The following BCAS3 variants were observed in gnomAD, a reference collection of about 807,000 sequenced individuals.
BCAS3 encodes the protein BCAS4/BCAS3 fusion.
A neutral mutation model predicts 116.1 loss-of-function variants in BCAS3; 53 were observed. That is an observed-to-expected ratio of 0.46 (90% CI 0.37 to 0.57). The LOEUF (loss-of-function observed/expected upper bound fraction) is 0.57. Among genes scored for constraint, BCAS3 ranks in the 20% least tolerant of loss-of-function variants. BCAS3 has a pLI of 0.00. For synonymous variants in BCAS3, 391 were observed against 408.2 expected, an observed-to-expected ratio of 0.96 and a Z score of 0.51; for missense variants, 917 against 1,165.4, an observed-to-expected ratio of 0.79 and a Z score of 3.10.
intron 7 of BCAS3, among the ~76,000 whole-genome samples, chr17:60,809,494 GGGTT>G (rs755311925): frequency 1.1e-4 from 16 of 152,228 alleles, no homozygotes; most frequent in Non-Finnish European, 1.6e-4. Context: ...CCCTCTTCCA[GGGTT>G]GGTTGGTTGG....
intron 22 of BCAS3, among the ~76,000 whole-genome samples, chr17:61,273,610 C>G (rs1479487806): frequency 6.6e-6 from 1 of 151,686 alleles, no homozygotes; most frequent in Admixed American, 6.6e-5. Context: ...TCATTTTTAT[C>G]AAATTTGAAA....
At chr17:60,842,695 C>T (rs1360801486) in intron 7 of BCAS3, among the ~76,000 whole-genome samples, 1 of 152,040 alleles carries the variant, frequency 6.6e-6, no homozygotes, top group African/African-American at 2.4e-5. Context: ...AGTGTGCTAT[C>T]TTTTCTTTCT....
At chr17:61,360,348 T>C (rs1249688656) in intron 22 of BCAS3, among the ~76,000 whole-genome samples, 1 of 152,246 alleles carries the variant, frequency 6.6e-6, no homozygotes, top group Non-Finnish European at 1.5e-5. Context: ...TCTGGTCTGA[T>C]GCTCACAACA....
chr17:61,238,689 C>A (rs2083257698), intron 22 of BCAS3, among the ~76,000 whole-genome samples: 1 of 152,166 alleles, frequency 6.6e-6, no homozygotes, highest in South Asian at 2.1e-4. Flanking sequence ...TATGGCTCTC[C>A]ATTTCCCAGT....
intron 6 of BCAS3, among the ~76,000 whole-genome samples, chr17:60,786,545 G>A (rs1482183924): frequency 1.7e-5 from 2 of 117,562 alleles, no homozygotes; most frequent in Non-Finnish European, 3.0e-5. Context: ...GCCTGCAAAT[G>A]TGTATATATA....
chr17:60,827,452 C>T (rs1169526463), intron 7 of BCAS3, among the ~76,000 whole-genome samples: 1 of 152,158 alleles, frequency 6.6e-6, no homozygotes, highest in Non-Finnish European at 1.5e-5. Flanking sequence ...GTCTTCATTG[C>T]CTAACCGAGT....
chr17:61,244,779 C>T lies in BCAS3; in HGVS notation c.2426-123548C>T, dbSNP rs1429814381. 2.0e-5 allele frequency among the ~76,000 whole-genome samples: 3 copies of T among 152,090 alleles called. No individual in the cohort carries two copies. The highest frequency in any genetic ancestry group is 7.2e-5 in the African/African-American group (3 of 41,436). The stretch of plus-strand genomic sequence containing the variant: ...TTGGGAGAATGAGGCAGGAGAATGG[C>T]ATGAACCCAGGAGGCAGAGCTTGCA... On this transcript the variant is annotated intron_variant, in intron 22 of 23. Transcript: ENST00000407086. This position sits in a 1 kb window ranked among gnomAD's most constrained non-coding sequence, Gnocchi z 4.9.
In BCAS3 at chr17:61,251,062, C is replaced by G. The variant is rs976365411; in HGVS notation, c.2426-117265C>G. On this transcript the variant is annotated intron_variant, in intron 22 of 23. Transcript: ENST00000407086. This position sits in a 1 kb window ranked among gnomAD's most constrained non-coding sequence, Gnocchi z 4.7. The stretch of plus-strand genomic sequence containing the variant: ...CACCCTCATCCCTCCAGCCCTGCCC[C>G]CAGGAAACCCTTCATTCAGAAAGGT... Among the ~76,000 whole-genome samples the G allele has an allele frequency of 1.3e-5, 2 of 152,182 alleles. No individual in the cohort carries two copies. The highest frequency in any genetic ancestry group is 2.9e-5 in the Non-Finnish European group (2 of 68,034).
intron 7 of BCAS3, among the ~76,000 whole-genome samples, chr17:60,820,966 G>C (rs2049910046): frequency 6.6e-6 from 1 of 151,774 alleles, no homozygotes; most frequent in Non-Finnish European, 1.5e-5. Context: ...TTTTTTTTGA[G>C]ACGGAGTTTT....
intron 13 of BCAS3, among the ~76,000 whole-genome samples, chr17:60,929,454 A>G (rs1251687683): frequency 6.6e-6 from 1 of 152,036 alleles, no homozygotes; most frequent in Non-Finnish European, 1.5e-5. Context: ...ATTAAGTAAA[A>G]TGAGGTAGTT....
rs1348347426 is a variant in BCAS3 at position 61,171,347 on chromosome 17, C to A, written c.2425+86783C>A. 7.3e-6 allele frequency among the ~76,000 whole-genome samples: 1 copy of A among 136,462 alleles called. No homozygotes were observed. Among genetic ancestry groups the A allele is most frequent in the South Asian group, 2.9e-4 (1 of 3,500 alleles). The allele number at this position is 136,462 out of a possible 152,430, so 89.5% of individuals were successfully genotyped here. A position where few individuals can be genotyped will look rare whatever the true frequency, so the allele number is the denominator to read the frequency against. On this transcript the variant is annotated intron_variant, in intron 22 of 23. Transcript: ENST00000407086. This position sits in a 1 kb window ranked among gnomAD's most constrained non-coding sequence, Gnocchi z 4.1. ...CTAAAAATATTCAGTAGATCCAAAACAACACATGGGAACCAAAAAGAAAAA... is the reference window on the plus strand; with the variant it reads ...CTAAAAATATTCAGTAGATCCAAAAAAACACATGGGAACCAAAAAGAAAAA...
chr17:61,283,332 G>A (rs1318514768), intron 22 of BCAS3, among the ~76,000 whole-genome samples: 5 of 152,020 alleles, frequency 3.3e-5, no homozygotes, highest in African/African-American at 1.2e-4. Context: ...TTTATGTTAC[G>A]TTTAGCTCAT....
chr17:60,843,743 G>A (rs2052208789), intron 7 of BCAS3, among the ~76,000 whole-genome samples: 1 of 152,122 alleles, frequency 6.6e-6, no homozygotes, highest in South Asian at 2.1e-4. Flanking sequence ...ATGGCTGTAT[G>A]GACAGTGTTG....
At chr17:61,086,205 C>T (rs1322846378) in intron 22 of BCAS3, among the ~76,000 whole-genome samples, 2 of 152,206 alleles carry the variant, frequency 1.3e-5, no homozygotes, top group South Asian at 2.1e-4. Flanking sequence ...TCTCCTATCT[C>T]GGCTTCCCGA....
chr17:60,814,225 C>A (rs2049109607), intron 7 of BCAS3, among the ~76,000 whole-genome samples: 1 of 151,480 alleles, frequency 6.6e-6, no homozygotes, highest in African/African-American at 2.4e-5. Flanking sequence ...TTGTAGTTCT[C>A]CTTATATCTT....
At chr17:61,238,789 A>G (rs928469076) in intron 22 of BCAS3, among the ~76,000 whole-genome samples, 1 of 151,822 alleles carries the variant, frequency 6.6e-6, no homozygotes. Context: ...ATACTCTGTT[A>G]TTGTAAGCCA....
intron 5 of BCAS3, among the ~76,000 whole-genome samples, chr17:60,735,394 G>A (rs2040857390): frequency 6.8e-6 from 1 of 146,798 alleles, no homozygotes; most frequent in Non-Finnish European, 1.5e-5. Flanking sequence ...TGATCTTAGT[G>A]GAACTGCTTT....
intron 22 of BCAS3, among the ~76,000 whole-genome samples, chr17:61,183,340 A>G (rs1430318412): frequency 2.0e-5 from 3 of 152,052 alleles, no homozygotes; most frequent in African/African-American, 7.2e-5. Context: ...CATGTTTTGA[A>G]CTCCATGTTG....
At chr17:61,111,071 C>A (rs1456260816) in intron 22 of BCAS3, among the ~76,000 whole-genome samples, 2 of 150,468 alleles carry the variant, frequency 1.3e-5, no homozygotes, top group African/African-American at 4.9e-5. Context: ...ACATCCACAC[C>A]GAAAACCCAT....
Sources: allele counts gnomAD v4.1 joint callset (sites outside exome capture counted in the v4.1 genomes callset), GRCh38; gene constraint gnomAD v4.1.1; non-coding constraint Gnocchi (gnomAD v3.1); transcripts MANE v1.5; gene names NCBI Gene and HGNC (gene_info 2026-07-23, HGNC 2026-07-21).